Variants in SLAMF8 observed in about 807,000 individuals in gnomAD.
SLAMF8 encodes B lymphocyte activator macrophage expressed.
In SLAMF8, 23 loss-of-function variants were observed where a neutral mutation model predicts 29.0. That is an observed-to-expected ratio of 0.79 (90% CI 0.57 to 1.13). The LOEUF is 1.13. SLAMF8 is among the 50% of genes most tolerant of loss of function. SLAMF8 has a pLI of 0.00. For synonymous variants in SLAMF8, 139 were observed against 145.6 expected, an observed-to-expected ratio of 0.96 and a Z score of 0.32; for missense variants, 381 against 353.1, an observed-to-expected ratio of 1.08 and a Z score of -0.63.
At chr1:159,833,203 A>G in intron 3 of SLAMF8, 22 bp downstream of exon 3, 2 of 1,614,068 alleles carry the variant, frequency 1.2e-6, no homozygotes, top group Non-Finnish European at 1.7e-6. Flanking sequence ...GCCAGCAGTC[A>G]GTGGTTGAGG....
chr1:159,834,292 G>A (rs1418757493), intron 4 of SLAMF8, among the ~76,000 whole-genome samples: 1 of 152,216 alleles, frequency 6.6e-6, no homozygotes, highest in Non-Finnish European at 1.5e-5. Context: ...CTAAGCATGG[G>A]GACAGGCAAT....
In SLAMF8 at chr1:159,833,261, G is replaced by C; in HGVS notation, c.674-1G>C. 6.2e-7 allele frequency: 1 copy of C among 1,614,152 alleles called. No individual in the cohort carries two copies. The highest frequency in any genetic ancestry group is 1.1e-5 in the South Asian group (1 of 91,080). ...CTCTAACCCCACCCCTCCATGTTCAGCACCAGGGAAGGCCTCCTACAAAGA... is the reference window on the plus strand; with the variant it reads ...CTCTAACCCCACCCCTCCATGTTCACCACCAGGGAAGGCCTCCTACAAAGA... On this transcript the variant is annotated splice_acceptor_variant, in intron 3 of 4. Transcript: ENST00000289707. LOFTEE classifies it high-confidence loss of function.
chr1:159,827,257 A>T (rs1663683234), intron 1 of SLAMF8, among the ~76,000 whole-genome samples: 1 of 152,162 alleles, frequency 6.6e-6, no homozygotes, highest in African/African-American at 2.4e-5. Context: ...GGCTGTGAGA[A>T]TGGTGAGGAC....
At position 159,829,354 on chromosome 1, in the gene SLAMF8, G is replaced by A. The variant is rs75595581; in HGVS notation, c.41-512G>A. 1.8e-4 allele frequency among the ~76,000 whole-genome samples: 28 copies of A among 152,324 alleles called. No individual in the cohort carries two copies. The East Asian group carries it at 4.4e-3, about 24-fold the overall frequency. ...TGATCTGACTCCTACCAACTCTGCA[G>A]TGTAATTTCCTACTCCTCACACAGA... is the stretch of plus-strand genomic sequence containing the variant. On this transcript the variant is annotated intron_variant, in intron 1 of 4. Transcript: ENST00000289707.
rs1647866088 is a variant in SLAMF8 at position 159,835,557 on chromosome 1, C to G, written c.*297C>G. 2.6e-6 allele frequency: 3 copies of G among 1,161,540 alleles called. No homozygotes were observed. The African/African-American group carries it at 4.8e-5, about 18-fold the overall frequency. 72.0% of individuals were successfully genotyped at this position (1,161,540 alleles called of 1,614,324 possible). On this transcript the variant is annotated 3_prime_UTR_variant, in exon 5 of 5. Coordinates refer to ENST00000289707, the MANE Select transcript of SLAMF8 (RefSeq NM_020125.3). ...ACTGGAAGTTCTCCAGGATCCAGATCCATGGGGACATTAATAGTCCAAGGC... is the reference window on the plus strand; with the variant it reads ...ACTGGAAGTTCTCCAGGATCCAGATGCATGGGGACATTAATAGTCCAAGGC...
At chr1:159,832,797 T>A in intron 2 of SLAMF8, 79 bp from the exon 3 acceptor site, 1 of 1,509,336 alleles carries the variant, frequency 6.6e-7, no homozygotes, top group Non-Finnish European at 9.0e-7. Flanking sequence ...CATCTAACCC[T>A]GGGTAGATCC....
intron 1 of SLAMF8, among the ~76,000 whole-genome samples, chr1:159,829,273 G>A (rs1357887601): frequency 1.3e-5 from 2 of 152,036 alleles, no homozygotes; most frequent in South Asian, 2.1e-4. Context: ...TACCTGAGAC[G>A]CCCCATTGCT....
intron 1 of SLAMF8, among the ~76,000 whole-genome samples, chr1:159,827,241 A>T (rs1319165075): frequency 6.6e-6 from 1 of 152,072 alleles, no homozygotes; most frequent in African/African-American, 2.4e-5. Context: ...GTTTGGAGAG[A>T]AAGTCGGCTG....
intron 1 of SLAMF8, among the ~76,000 whole-genome samples, chr1:159,829,450 G>A (rs988749832): frequency 2.0e-4 from 30 of 152,110 alleles, no homozygotes; most frequent in East Asian, 1.9e-3. Context: ...GCCCTCTGCC[G>A]GTGACACTTC....
At position 159,837,198 on chromosome 1, in the gene SLAMF8, G is replaced by A; in HGVS notation, c.*1938G>A. On this transcript the variant is annotated 3_prime_UTR_variant, in exon 5 of 5. Transcript: ENST00000289707. ...AGTGGTTTGTAGCGTGGTGCACCAGGGCCTTGTTGAACAGATCCACACTGC... is the reference window on the plus strand; with the variant it reads ...AGTGGTTTGTAGCGTGGTGCACCAGAGCCTTGTTGAACAGATCCACACTGC... 1 of 984,434 alleles carries A rather than the reference G, an allele frequency of 1.0e-6. No homozygotes were observed. Among genetic ancestry groups the A allele is most frequent in the Non-Finnish European group, 1.2e-6 (1 of 829,696 alleles). 61.0% of individuals were successfully genotyped at this position (984,434 alleles called of 1,614,324 possible). A position where few individuals can be genotyped will look rare whatever the true frequency, so the allele number is the denominator to read the frequency against.
rs140724806 is a variant in SLAMF8, at chr1:159,829,108, G to A, written c.41-758G>A. 5.3e-4 allele frequency among the ~76,000 whole-genome samples: 81 copies of A among 152,092 alleles called. No homozygotes were observed. In the South Asian group the frequency reaches 7.7e-3, roughly 14 times the overall value. Reference sequence around the variant, plus strand: ...AATTCCTCCCACTTCTTCCCATCCCGGTTGCTCCCTTCCTCAATTCAAGTT... The same window carrying A: ...AATTCCTCCCACTTCTTCCCATCCCAGTTGCTCCCTTCCTCAATTCAAGTT... On this transcript the variant is annotated intron_variant, in intron 1 of 4. Transcript: ENST00000289707.
rs1648030450 is a variant in SLAMF8, at chr1:159,837,413, A to G, written c.*2153A>G. 1 of 658,338 alleles carries G rather than the reference A, an allele frequency of 1.5e-6. No homozygotes were observed. The highest frequency in any genetic ancestry group is 1.9e-6 in the Non-Finnish European group (1 of 531,294). 40.8% of individuals were successfully genotyped at this position (658,338 alleles called of 1,614,324 possible). ...GCATGTGCTGGGTACATTTCTTGGCACTTGGGAATCAGTAGTCAAGCGAAA... is the reference window on the plus strand; with the variant it reads ...GCATGTGCTGGGTACATTTCTTGGCGCTTGGGAATCAGTAGTCAAGCGAAA... On this transcript the variant is annotated 3_prime_UTR_variant, in exon 5 of 5. Transcript: ENST00000289707.
intron 2 of SLAMF8, 139 bp from the exon 3 acceptor site, chr1:159,832,737 G>A: frequency 1.1e-6 from 1 of 897,178 alleles, no homozygotes. Context: ...CCTGTGGGCA[G>A]TGGAAAGCCA....
At chr1:159,828,233 GTGATGTGTGGAAGGGCACACAGC>G (rs1401072635) in intron 1 of SLAMF8, among the ~76,000 whole-genome samples, 1 of 152,238 alleles carries the variant, frequency 6.6e-6, no homozygotes, top group Non-Finnish European at 1.5e-5. Flanking sequence ...CTGGGGCAGG[GTGATGTGTGGAAGGGCACACAGC>G]TGATCTGTGG....
chr1:159,832,327 G>A (rs984305928), intron 2 of SLAMF8, among the ~76,000 whole-genome samples: 3 of 152,202 alleles, frequency 2.0e-5, no homozygotes, highest in Admixed American at 6.5e-5. Flanking sequence ...CAGAAGGCTA[G>A]GAATGTGTTT....
In SLAMF8 at chr1:159,830,059, C is replaced by G; in HGVS notation, c.234C>G (p.Gly78=). The change falls in exon 2 of 5, where the codon GGC becomes GGG. Residue 78 remains glycine, a synonymous_variant. Transcript: ENST00000289707. The part of the protein sequence containing the change: ...LETLYHSRFL[G]RAQLHSNLSL... ...CTCTGTACCATTCCCGCTTCCTGGG[C>G]CGAGCCCAGCTACACAGCAACCTCA... The G allele has an allele frequency of 6.2e-7, 1 of 1,614,248 alleles. No homozygotes were observed.
Position 159,830,123 on chromosome 1 carries a change from A to C in SLAMF8, c.298A>C (p.Asn100His), listed in dbSNP as rs1571134790. 6.2e-7 allele frequency: 1 copy of C among 1,614,114 alleles called. No homozygotes were observed. Among genetic ancestry groups the C allele is most frequent in the Non-Finnish European group, 8.5e-7 (1 of 1,179,958 alleles). ...GCCGCTGGAGTCTGGAGACAGCGGC[A>C]ACTTCTCCGTGTTGATGGTGGACAC... ...LGPLESGDSGNFSVLMVDTRG... is the reference protein window; with the variant it reads ...LGPLESGDSGHFSVLMVDTRG... Residue 100 changes from asparagine to histidine, a missense_variant, in exon 2 of 5, where the codon AAC (asparagine) becomes CAC (histidine). Asn to His is a moderately conservative substitution (Grantham distance 68). Coordinates refer to ENST00000289707, the MANE Select transcript of SLAMF8 (RefSeq NM_020125.3).
intron 1 of SLAMF8, among the ~76,000 whole-genome samples, chr1:159,828,696 G>A (rs75123980): frequency 6.6e-6 from 1 of 152,186 alleles, no homozygotes; most frequent in Non-Finnish European, 1.5e-5. Flanking sequence ...AGAGGGATAA[G>A]GGTAGTCAGC....
intron 1 of SLAMF8, 28 bp from the exon 2 acceptor site, chr1:159,829,838 A>G (rs1282613130): frequency 6.4e-7 from 1 of 1,569,068 alleles, no homozygotes; most frequent in Non-Finnish European, 8.7e-7. Context: ...TGGGGCAGGC[A>G]GAGTGACCAG....
Sources: gnomAD v4.1 joint callset for allele counts (sites outside exome capture counted in the v4.1 genomes callset) on GRCh38, gnomAD v4.1.1 for gene constraint, MANE v1.5 for transcripts, NCBI Gene and HGNC (gene_info 2026-07-23, HGNC 2026-07-21) for gene names.